Variants in KPNA1 observed in about 807,000 individuals in gnomAD.
KPNA1 encodes karyopherin subunit alpha 1.
Under a neutral mutation model 70.5 loss-of-function variants are expected in KPNA1, and 10 were observed. The observed-to-expected ratio is 0.14, with a 90% CI of 0.09 to 0.24. KPNA1 has a LOEUF of 0.24. KPNA1 is among the 10% of genes least tolerant of loss of function. KPNA1 has a pLI of 1.00. For missense variants in KPNA1, 397 were observed against 637.9 expected, an observed-to-expected ratio of 0.62 and a Z score of 4.07; for synonymous variants, 192 against 221.9, an observed-to-expected ratio of 0.87 and a Z score of 1.20.
rs535617842 is a variant in KPNA1, at chr3:122,446,570, G to A, written c.917+3004C>T. ...CACTAAATGCCCACAAGAGAAAGCAGGAAAGATCTAAAATCAACACCCAAC... is the reference window on the plus strand; with the variant it reads ...CACTAAATGCCCACAAGAGAAAGCAAGAAAGATCTAAAATCAACACCCAAC... On this transcript the variant is annotated intron_variant, in intron 9 of 13. Transcript: ENST00000344337. Among the ~76,000 whole-genome samples the A allele has an allele frequency of 2.6e-5, 4 of 152,226 alleles. No homozygotes were observed. In the South Asian group the frequency reaches 6.2e-4, roughly 24 times the overall value.
At chr3:122,476,884 A>AAC (rs2076506326) in intron 2 of KPNA1, among the ~76,000 whole-genome samples, 1 of 138,648 alleles carries the variant, frequency 7.2e-6, no homozygotes, top group East Asian at 2.1e-4. Flanking sequence ...AAAAAAAAAA[A>AAC]CTAAAAAAAG....
chr3:122,434,945 T>C (rs1397349421), intron 11 of KPNA1, among the ~76,000 whole-genome samples: 1 of 152,180 alleles, frequency 6.6e-6, no homozygotes, highest in African/African-American at 2.4e-5. Flanking sequence ...TTCAGCATTT[T>C]GGGGACAAAA....
intron 2 of KPNA1, among the ~76,000 whole-genome samples, chr3:122,468,127 A>C (rs1457963709): frequency 6.6e-6 from 1 of 152,230 alleles, no homozygotes; most frequent in Non-Finnish European, 1.5e-5. Context: ...ATAATGTTTC[A>C]GCCATTGGAC....
chr3:122,449,676 GC>G lies in KPNA1; in HGVS notation c.814del (p.Ala272LeufsTer34), dbSNP rs759168355. ...LLFVSDTDVL[A>X]DACWALSYLS... ...ATATGAGAGGGCCCAGCAGGCATCA[GC>G]CAGTACATCAGTGTCACTGACAAAC... On this transcript the variant is annotated frameshift_variant, in exon 9 of 14. Transcript: ENST00000344337. LOFTEE classifies it high-confidence loss of function. 6.2e-7 allele frequency: 1 copy of G among 1,613,894 alleles called. No homozygotes were observed. The highest frequency in any genetic ancestry group is 8.5e-7 in the Non-Finnish European group (1 of 1,179,866).
chr3:122,498,313 C>A (rs1320453925), intron 1 of KPNA1, among the ~76,000 whole-genome samples: 1 of 152,032 alleles, frequency 6.6e-6, no homozygotes, highest in African/African-American at 2.4e-5. Flanking sequence ...AAAAAGAGAC[C>A]CCCCAAAGAG....
intron 2 of KPNA1, among the ~76,000 whole-genome samples, chr3:122,491,693 C>A (rs2076699735): frequency 6.6e-6 from 1 of 152,090 alleles, no homozygotes; most frequent in Admixed American, 6.6e-5. Flanking sequence ...CTGTGAAAAT[C>A]TTTAAAATGA....
chr3:122,476,941 G>A (rs1209419840), intron 2 of KPNA1, among the ~76,000 whole-genome samples: 1 of 148,112 alleles, frequency 6.8e-6, no homozygotes, highest in African/African-American at 2.5e-5. Flanking sequence ...TATATCCAAA[G>A]GAAAGGAAGT....
Position 122,424,044 on chromosome 3 carries a change from CATCT to C in KPNA1, c.*2937_*2940del, listed in dbSNP as rs1229201465. On this transcript the variant is annotated 3_prime_UTR_variant, in exon 14 of 14. Transcript: ENST00000344337. ...TACCCAAAATTTCTCAATCCAACCA[CATCT>C]ACCTGCTGGTCCATCAGATACCAGA... 6.6e-6 allele frequency: 1 copy of C among 152,212 alleles called. No homozygotes were observed. Among genetic ancestry groups the C allele is most frequent in the East Asian group, 1.9e-4 (1 of 5,196 alleles). The allele number at this position is 152,212 out of a possible 1,614,324, so 9.4% of individuals were successfully genotyped here.
chr3:122,482,835 A>G (rs1279530636), intron 2 of KPNA1, among the ~76,000 whole-genome samples: 5 of 152,232 alleles, frequency 3.3e-5, no homozygotes, highest in Admixed American at 3.3e-4. Flanking sequence ...AAGAGAATGT[A>G]AAGATGACCT....
At chr3:122,471,744 G>A (rs1188249438) in intron 2 of KPNA1, among the ~76,000 whole-genome samples, 3 of 151,950 alleles carry the variant, frequency 2.0e-5, no homozygotes, top group Non-Finnish European at 4.4e-5. Flanking sequence ...GCATTGAGCC[G>A]AGATCGCGCC....
chr3:122,514,620 G>T (rs1343274688), intron 1 of KPNA1, 137 bp downstream of exon 1: 2 of 151,950 alleles, frequency 1.3e-5, no homozygotes, highest in East Asian at 1.9e-4. Flanking sequence ...CGGCGCGAGC[G>T]TCCGGCCCAG....
intron 2 of KPNA1, among the ~76,000 whole-genome samples, chr3:122,475,146 G>C (rs773293468): frequency 6.6e-6 from 1 of 152,122 alleles, no homozygotes; most frequent in Non-Finnish European, 1.5e-5. Flanking sequence ...ATAATACATG[G>C]ATTCAGGAAA....
intron 11 of KPNA1, among the ~76,000 whole-genome samples, chr3:122,436,541 G>A (rs1401198187): frequency 3.3e-5 from 5 of 152,138 alleles, no homozygotes; most frequent in East Asian, 1.9e-4. Context: ...TTCTCAGACC[G>A]GCCGACACTT....
At chr3:122,436,149 G>A (rs2075984017) in intron 11 of KPNA1, among the ~76,000 whole-genome samples, 1 of 152,162 alleles carries the variant, frequency 6.6e-6, no homozygotes, top group African/African-American at 2.4e-5. Context: ...GATAAGGGAT[G>A]AAATAAACCC....
At chr3:122,461,421 T>A in intron 4 of KPNA1, 103 bp from the exon 5 acceptor site, 1 of 694,820 alleles carries the variant, frequency 1.4e-6, no homozygotes, top group Non-Finnish European at 2.5e-6. Context: ...TTACCATCTC[T>A]CATGCTGGAA....
chr3:122,448,591 C>A (rs139497528), intron 9 of KPNA1, among the ~76,000 whole-genome samples: 64 of 151,874 alleles, frequency 4.2e-4, no homozygotes, highest in African/African-American at 1.5e-3. Context: ...TGGGGCCTGT[C>A]GTGGAGTTGG....
At chr3:122,467,233 G>A in intron 3 of KPNA1, 89 bp downstream of exon 3, 1 of 595,866 alleles carries the variant, frequency 1.7e-6, no homozygotes, top group Non-Finnish European at 2.9e-6. Flanking sequence ...AGTACTTTTT[G>A]TAGCCATCTA....
In KPNA1 at chr3:122,479,295, C is replaced by T. The variant is rs567010869; in HGVS notation, c.130-11866G>A. On this transcript the variant is annotated intron_variant, in intron 2 of 13. Transcript: ENST00000344337. ...CCCATATTATATGTTATCAGGGAAA[C>T]GCAAACTAAATGAGATACCACTACC... is the stretch of plus-strand genomic sequence containing the variant. Among the ~76,000 whole-genome samples, 11 of 152,166 alleles carry T rather than the reference C, an allele frequency of 7.2e-5. No homozygotes were observed. In the East Asian group the frequency reaches 9.7e-4, roughly 13 times the overall value.
At chr3:122,479,231 G>A (rs1483505435) in intron 2 of KPNA1, among the ~76,000 whole-genome samples, 1 of 152,080 alleles carries the variant, frequency 6.6e-6, no homozygotes, top group Non-Finnish European at 1.5e-5. Flanking sequence ...CTTCACTAAA[G>A]AAGATATACA....
Sources: allele counts gnomAD v4.1 joint callset (sites outside exome capture counted in the v4.1 genomes callset), GRCh38; gene constraint gnomAD v4.1.1; transcripts MANE v1.5; gene names NCBI Gene and HGNC (gene_info 2026-07-23, HGNC 2026-07-21).